FHIT: variants seen among roughly 807,000 people sequenced by gnomAD.
FHIT encodes the protein bis(5'-adenosyl)-triphosphatase.
In FHIT, 19 loss-of-function variants were observed where a neutral mutation model predicts 17.9. That is an observed-to-expected ratio of 1.06 (90% CI 0.74 to 1.56). The LOEUF is 1.56. Among genes scored for constraint, FHIT ranks in the 40% most tolerant of loss-of-function variants. FHIT has a pLI of 0.00. For missense variants in FHIT, 248 were observed against 189.2 expected (o/e 1.31, Z -1.82); for synonymous variants, 81 against 69.7 (o/e 1.16, Z -0.81).
rs573522299 is a variant in FHIT, at chr3:60,602,397, G to A, written c.-17-65418C>T. On this transcript the variant is annotated intron_variant, in intron 4 of 9. Transcript: ENST00000492590. ...GTCTAAACTTCAGAGAAAAAGAAAA[G>A]GTGACCCAAGAATGTCCTATCAGCC... Among the ~76,000 whole-genome samples the A allele has an allele frequency of 7.2e-5, 11 of 152,190 alleles. No individual in the cohort carries two copies. The South Asian group carries it at 2.3e-3, about 32-fold the overall frequency.
intron 7 of FHIT, among the ~76,000 whole-genome samples, chr3:59,956,834 CATT>C (rs1361480037): frequency 6.6e-6 from 1 of 152,130 alleles, no homozygotes; most frequent in Non-Finnish European, 1.5e-5. Flanking sequence ...ACTCAGTAAA[CATT>C]ATTGTCAAAA....
intron 4 of FHIT, among the ~76,000 whole-genome samples, chr3:60,639,780 T>C (rs2039680000): frequency 6.6e-6 from 1 of 152,146 alleles, no homozygotes; most frequent in Admixed American, 6.6e-5. Flanking sequence ...ACTAGGTAAA[T>C]TGGGGTAAGT....
At chr3:61,112,101 G>A (rs1390109144) in intron 2 of FHIT, among the ~76,000 whole-genome samples, 1 of 152,110 alleles carries the variant, frequency 6.6e-6, no homozygotes, top group Admixed American at 6.6e-5. Context: ...AGGTGGCGGG[G>A]CCAAAATTTC....
At chr3:60,883,223 T>C (rs551999606) in intron 3 of FHIT, among the ~76,000 whole-genome samples, 30 of 152,136 alleles carry the variant, frequency 2.0e-4, no homozygotes, top group Middle Eastern at 3.4e-3. Flanking sequence ...GAAGATCTGG[T>C]TACAAAAAAA....
chr3:60,425,490 A>C (rs1702628483), intron 5 of FHIT, among the ~76,000 whole-genome samples: 1 of 152,114 alleles, frequency 6.6e-6, no homozygotes, highest in Admixed American at 6.6e-5. Flanking sequence ...TATGATACAC[A>C]ATTTAACTAT....
At chr3:61,032,836 C>T (rs2107670959) in intron 3 of FHIT, among the ~76,000 whole-genome samples, 1 of 152,324 alleles carries the variant, frequency 6.6e-6, no homozygotes, top group Non-Finnish European at 1.5e-5. Context: ...AGAAGACCCA[C>T]TATCTGCCAT....
intron 5 of FHIT, among the ~76,000 whole-genome samples, chr3:60,085,722 GC>G (rs1703466530): frequency 6.6e-6 from 1 of 152,116 alleles, no homozygotes. Flanking sequence ...TGCCCTACAG[GC>G]CAAAATGGTT....
At chr3:60,115,274 C>T (rs1005979331) in intron 5 of FHIT, among the ~76,000 whole-genome samples, 2 of 151,944 alleles carry the variant, frequency 1.3e-5, no homozygotes, top group African/African-American at 2.4e-5. Context: ...GTATTAAAGA[C>T]GAAGAGCTAA....
chr3:60,876,247 G>T (rs541587427), intron 3 of FHIT, among the ~76,000 whole-genome samples: 2 of 152,026 alleles, frequency 1.3e-5, no homozygotes, highest in African/African-American at 4.8e-5. Context: ...TTTAGGTAAT[G>T]GAACAATCTG....
chr3:60,014,279 A>C, intron 5 of FHIT, 127 bp from the exon 6 acceptor site: 1 of 859,440 alleles, frequency 1.2e-6, no homozygotes, highest in Admixed American at 2.8e-5. Context: ...GGAATGAAGA[A>C]ACAGATATTT....
chr3:60,860,359 G>GAT (rs1553751321), intron 3 of FHIT, among the ~76,000 whole-genome samples: 1 of 143,186 alleles, frequency 7.0e-6, no homozygotes, highest in African/African-American at 2.8e-5. Flanking sequence ...ATGTATACAT[G>GAT]ACATACATCA....
At chr3:60,829,324 C>G (rs782696962) in intron 3 of FHIT, among the ~76,000 whole-genome samples, 3 of 152,210 alleles carry the variant, frequency 2.0e-5, no homozygotes, top group Non-Finnish European at 2.9e-5. Flanking sequence ...CATGGAAAAA[C>G]TGGAATGCTT....
chr3:60,153,364 G>GAAAAAAAAAAAAAAAAAAAAAAAAAA (rs71089587), intron 5 of FHIT, among the ~76,000 whole-genome samples: 1 of 106,536 alleles, frequency 9.4e-6, no homozygotes, highest in Non-Finnish European at 1.9e-5. Context: ...CAATTCACCA[G>GAAAAAAAAAAAAAAAAAAAAAAAAAA]AAAAAAAAAA....
At chr3:60,500,413 T>C (rs191339849) in intron 5 of FHIT, among the ~76,000 whole-genome samples, 209 of 152,306 alleles carry the variant, frequency 1.4e-3, no homozygotes, top group African/African-American at 4.6e-3. Context: ...CACTTTTAGA[T>C]TAAAATTCTA....
At chr3:60,495,029 T>A (rs2034237857) in intron 5 of FHIT, among the ~76,000 whole-genome samples, 1 of 152,138 alleles carries the variant, frequency 6.6e-6, no homozygotes. Context: ...CTACTTTTAG[T>A]TTTCTGAGTA....
chr3:60,630,640 C>T (rs533605555), intron 4 of FHIT, among the ~76,000 whole-genome samples: 15 of 152,248 alleles, frequency 9.9e-5, no homozygotes, highest in African/African-American at 3.1e-4. Context: ...GTGAGCCTTA[C>T]GCCATCCCTG....
intron 7 of FHIT, among the ~76,000 whole-genome samples, chr3:59,987,911 G>A (rs1005887387): frequency 6.6e-6 from 1 of 151,990 alleles, no homozygotes; most frequent in Admixed American, 6.6e-5. Context: ...GTACATTTTA[G>A]TAACATAGCT....
chr3:59,941,912 T>A (rs1310954952), intron 7 of FHIT, among the ~76,000 whole-genome samples: 1 of 152,158 alleles, frequency 6.6e-6, no homozygotes, highest in Non-Finnish European at 1.5e-5. Context: ...GGAAATGTGT[T>A]AGTGTGTGGA....
At chr3:61,230,779 C>T (rs2040080305) in intron 1 of FHIT, among the ~76,000 whole-genome samples, 1 of 152,148 alleles carries the variant, frequency 6.6e-6, no homozygotes, top group Admixed American at 6.5e-5. Context: ...TATGTCAGCT[C>T]CCATCCTATC....
Sources: allele counts gnomAD v4.1 joint callset (sites outside exome capture counted in the v4.1 genomes callset), GRCh38; gene constraint gnomAD v4.1.1; transcripts MANE v1.5; gene names NCBI Gene and HGNC (gene_info 2026-07-23, HGNC 2026-07-21).